RAB11FIP4: variants seen among roughly 807,000 people sequenced by gnomAD.
RAB11FIP4 encodes rab11 family-interacting protein 4.
In RAB11FIP4, 23 loss-of-function variants were observed where a neutral mutation model predicts 74.3. The ratio of observed to expected loss-of-function variants is 0.31; its 90% confidence interval spans 0.22 to 0.44. RAB11FIP4 has a LOEUF of 0.44. RAB11FIP4 is among the 20% of genes least tolerant of loss of function. The pLI, the probability that RAB11FIP4 is intolerant of heterozygous loss-of-function variation, is 1.00. For missense variants in RAB11FIP4, 630 were observed against 863.9 expected (o/e 0.73, Z 3.39); for synonymous variants, 360 against 359.9 (o/e 1.00, Z 0.00).
intron 3 of RAB11FIP4, among the ~76,000 whole-genome samples, chr17:31,440,123 A>C (rs1305002076): frequency 6.6e-6 from 1 of 152,116 alleles, no homozygotes; most frequent in African/African-American, 2.4e-5. Flanking sequence ...ATATTCTCCT[A>C]TATATAGTTT....
At chr17:31,517,626 C>T (rs376718762) in intron 3 of RAB11FIP4, 25 bp from the exon 4 acceptor site, 86 of 1,574,434 alleles carry the variant, frequency 5.5e-5, no homozygotes, top group Non-Finnish European at 6.6e-5. Context: ...CCTCACTTAT[C>T]TTGTCTCTGC....
In RAB11FIP4 at chr17:31,471,068, G is replaced by GT. The variant is rs34337037; in HGVS notation, c.336+36960dup. Among the ~76,000 whole-genome samples the GT allele has an allele frequency of 2.9e-3, 420 of 144,518 alleles. 2 individuals are homozygous for GT. Among genetic ancestry groups the GT allele is most frequent in the East Asian group, 5.2e-3 (26 of 4,970 alleles). 94.8% of individuals were successfully genotyped at this position (144,518 alleles called of 152,430 possible). Reference sequence around the variant, plus strand: ...TAAAAGTATGTCTGGGAAATGGAAGGTTTTTTTTTTTTTTGAGATAGGGTT... The same window carrying GT: ...TAAAAGTATGTCTGGGAAATGGAAGGTTTTTTTTTTTTTTTGAGATAGGGTT... On this transcript the variant is annotated intron_variant, in intron 3 of 14. Transcript: ENST00000621161.
At chr17:31,480,512 G>C (rs893949349) in intron 3 of RAB11FIP4, among the ~76,000 whole-genome samples, 1 of 152,116 alleles carries the variant, frequency 6.6e-6, no homozygotes. Flanking sequence ...CCCCCTGGCC[G>C]GGTGCGGTGG....
At chr17:31,523,730 G>A in intron 8 of RAB11FIP4, 119 bp downstream of exon 8, 1 of 1,126,564 alleles carries the variant, frequency 8.9e-7, no homozygotes, top group Non-Finnish European at 1.4e-6. Context: ...GGAATTGGGG[G>A]CAGGTGGCCC....
chr17:31,481,379 C>A (rs541583639), intron 3 of RAB11FIP4, among the ~76,000 whole-genome samples: 1 of 152,002 alleles, frequency 6.6e-6, no homozygotes, highest in East Asian at 1.9e-4. Flanking sequence ...GTTTAGGAAC[C>A]ACTGCTTTAA....
chr17:31,443,313 T>C (rs1164945861), intron 3 of RAB11FIP4, among the ~76,000 whole-genome samples: 1 of 152,276 alleles, frequency 6.6e-6, no homozygotes, highest in Non-Finnish European at 1.5e-5. Context: ...GCTTGTTATT[T>C]ATTTTTAACT....
At position 31,533,350 on chromosome 17, in the gene RAB11FIP4, C is replaced by G. The variant is rs2072904895; in HGVS notation, c.*1618C>G. ...CATAATGGGGTTGCACTGGTCTGAC[C>G]CAGGACTTTGGAGCCACCCACACTG... On this transcript the variant is annotated 3_prime_UTR_variant, in exon 15 of 15. Transcript: ENST00000621161. 2 of 152,214 alleles carry G rather than the reference C, an allele frequency of 1.3e-5. No individual in the cohort carries two copies. The highest frequency in any genetic ancestry group is 2.9e-5 in the Non-Finnish European group (2 of 68,070). 9.4% of individuals were successfully genotyped at this position (152,214 alleles called of 1,614,324 possible). A position where few individuals can be genotyped will look rare whatever the true frequency, so the allele number is the denominator to read the frequency against.
intron 1 of RAB11FIP4, among the ~76,000 whole-genome samples, chr17:31,416,677 C>A (rs2071151278): frequency 6.6e-6 from 1 of 152,210 alleles, no homozygotes; most frequent in South Asian, 2.1e-4. Flanking sequence ...GCCCCTGCAG[C>A]AGCAGGAGAA....
At chr17:31,460,459 T>G (rs1229714024) in intron 3 of RAB11FIP4, among the ~76,000 whole-genome samples, 1 of 152,188 alleles carries the variant, frequency 6.6e-6, no homozygotes, top group Non-Finnish European at 1.5e-5. Flanking sequence ...ATGACCCTAA[T>G]GTACTCCTCA....
rs371100229 is a variant in RAB11FIP4, at chr17:31,432,038, C to T, written c.247+138C>T. 8.2e-5 allele frequency: 53 copies of T among 649,920 alleles called. No homozygotes were observed. The South Asian group carries it at 9.9e-4, about 12-fold the overall frequency. The allele number at this position is 649,920 out of a possible 1,614,324, so 40.3% of individuals were successfully genotyped here. On this transcript the variant is annotated intron_variant, in intron 2 of 14. Coordinates refer to ENST00000621161, the MANE Select transcript of RAB11FIP4 (RefSeq NM_032932.6). Reference sequence around the variant, plus strand: ...AGGATGGGCCAGAAGTCGGTTCTGCCTCTGGCTTCCGGGGGGGCCAGAGGA... The same window carrying T: ...AGGATGGGCCAGAAGTCGGTTCTGCTTCTGGCTTCCGGGGGGGCCAGAGGA...
chr17:31,424,209 A>G (rs961176179), intron 1 of RAB11FIP4, among the ~76,000 whole-genome samples: 8 of 151,938 alleles, frequency 5.3e-5, no homozygotes, highest in Non-Finnish European at 4.4e-5. Flanking sequence ...TTCACCTTCC[A>G]CTATTCACTT....
intron 1 of RAB11FIP4, among the ~76,000 whole-genome samples, chr17:31,425,475 G>T (rs555135853): frequency 2.5e-4 from 38 of 152,318 alleles, no homozygotes; most frequent in African/African-American, 9.1e-4. Flanking sequence ...GGCTGGGCAT[G>T]GGTTCAGGGA....
At position 31,431,702 on chromosome 17, in the gene RAB11FIP4, C is replaced by T. The variant is rs141991418; in HGVS notation, c.160-111C>T. On this transcript the variant is annotated intron_variant, in intron 1 of 14. Coordinates refer to ENST00000621161, the MANE Select transcript of RAB11FIP4 (RefSeq NM_032932.6). ...TGACCCCAGGGTGAGGGTAAGAGGA[C>T]TGGGCGGGGACACTGGTGTCCCTCC... The T allele has an allele frequency of 3.6e-4, 287 of 797,716 alleles. 1 individual carries two copies. In the African/African-American group the frequency reaches 4.5e-3, roughly 12 times the overall value. The allele number at this position is 797,716 out of a possible 1,614,324, so 49.4% of individuals were successfully genotyped here.
chr17:31,392,162 C>A, intron 1 of RAB11FIP4, 151 bp downstream of exon 1: 4 of 596,102 alleles, frequency 6.7e-6, no homozygotes, highest in Non-Finnish European at 9.6e-6. Context: ...ACCTCGGCCC[C>A]CCCCGGGTAT....
At chr17:31,511,089 A>T (rs1049282716) in intron 3 of RAB11FIP4, among the ~76,000 whole-genome samples, 1 of 152,108 alleles carries the variant, frequency 6.6e-6, no homozygotes, top group African/African-American at 2.4e-5. Flanking sequence ...TAAAGTGCTT[A>T]GGATGTGTAG....
At chr17:31,495,102 A>G (rs2072088594) in intron 3 of RAB11FIP4, among the ~76,000 whole-genome samples, 1 of 152,214 alleles carries the variant, frequency 6.6e-6, no homozygotes, top group Non-Finnish European at 1.5e-5. Flanking sequence ...AGTGCTGCCC[A>G]TCTGCCACTG....
Position 31,401,210 on chromosome 17 carries a change from T to C in RAB11FIP4, c.159+9199T>C, listed in dbSNP as rs1397295638. On this transcript the variant is annotated intron_variant, in intron 1 of 14. Transcript: ENST00000621161. ...TGGCATGAACCCGGGAGGTGGAGCT[T>C]GCAGTGAGCCAAGATCACGCCACTG... Among the ~76,000 whole-genome samples the C allele has an allele frequency of 2.0e-5, 3 of 151,758 alleles. No individual in the cohort carries two copies. The East Asian group carries it at 5.8e-4, about 30-fold the overall frequency.
intron 3 of RAB11FIP4, among the ~76,000 whole-genome samples, chr17:31,460,229 A>C (rs1035137246): frequency 4.7e-4 from 71 of 152,338 alleles, no homozygotes; most frequent in Admixed American, 3.9e-3. Flanking sequence ...TTGTTTAAAA[A>C]ATAAAGTGCT....
chr17:31,392,952 C>G (rs565512918), intron 1 of RAB11FIP4, among the ~76,000 whole-genome samples: 5 of 152,200 alleles, frequency 3.3e-5, no homozygotes, highest in Non-Finnish European at 7.3e-5. Flanking sequence ...GGCCATGGGC[C>G]TCAAATGGGC....
Sources: gnomAD v4.1 joint callset for allele counts (sites outside exome capture counted in the v4.1 genomes callset) on GRCh38, gnomAD v4.1.1 for gene constraint, MANE v1.5 for transcripts, NCBI Gene and HGNC (gene_info 2026-07-23, HGNC 2026-07-21) for gene names.